SLC41A2: variants seen among roughly 807,000 people sequenced by gnomAD.
SLC41A2 encodes the protein SLC41A1-like 1.
Under a neutral mutation model 58.3 loss-of-function variants are expected in SLC41A2, and 32 were observed. The ratio of observed to expected loss-of-function variants is 0.55; its 90% confidence interval spans 0.41 to 0.74. The LOEUF is 0.74. SLC41A2 is among the 30% of genes least tolerant of loss of function. The probability of loss-of-function intolerance (pLI) is 0.00; values close to 1 mark genes in which losing one functional copy is unlikely to be tolerated. For synonymous variants in SLC41A2, 190 were observed against 235.0 expected (o/e 0.81, Z 1.75); for missense variants, 514 against 680.6 (o/e 0.76, Z 2.72).
chr12:104,929,616 C>A (rs2046979577), intron 1 of SLC41A2, among the ~76,000 whole-genome samples: 1 of 152,234 alleles, frequency 6.6e-6, no homozygotes, highest in Admixed American at 6.5e-5. Context: ...CAAGGTCACC[C>A]ACGACCTGAC....
At chr12:104,926,660 G>T (rs1279662517) in intron 2 of SLC41A2, among the ~76,000 whole-genome samples, 5 of 150,318 alleles carry the variant, frequency 3.3e-5, no homozygotes, top group Non-Finnish European at 7.4e-5. Flanking sequence ...ATAAATAAAA[G>T]ATACAAAAAA....
intron 1 of SLC41A2, among the ~76,000 whole-genome samples, chr12:104,930,954 C>T (rs1468395227): frequency 2.0e-5 from 3 of 152,172 alleles, no homozygotes; most frequent in African/African-American, 7.2e-5. Flanking sequence ...ATTCTTACTT[C>T]GGTATAAGCT....
chr12:104,865,435 C>T (rs1051576176), intron 7 of SLC41A2, among the ~76,000 whole-genome samples: 1 of 152,132 alleles, frequency 6.6e-6, no homozygotes, highest in South Asian at 2.1e-4. Context: ...GATCTAATTG[C>T]TCCTTACCTA....
rs1384254323 is a variant in SLC41A2 at position 104,928,306 on chromosome 12, C to T, written c.222G>A (p.Gln74=). 6.2e-7 allele frequency: 1 copy of T among 1,612,990 alleles called. No homozygotes were observed. The highest frequency in any genetic ancestry group is 1.7e-5 in the Admixed American group (1 of 59,910). The part of the protein sequence containing the change: ...IWQDGLSTAV[Q]TFSNRSEQHM... ...GTTGCTCAGATCTATTACTAAAAGT[C>T]TGTACTGCAGTTGATAATCCATCTT... is the stretch of plus-strand genomic sequence containing the variant. The change falls in exon 2 of 11, where the codon CAG becomes CAA. Residue 74 remains glutamine, a synonymous_variant. Coordinates refer to ENST00000258538, the MANE Select transcript of SLC41A2 (RefSeq NM_001352171.3).
chr12:104,941,601 A>C (rs776414538), intron 1 of SLC41A2, among the ~76,000 whole-genome samples: 3 of 152,196 alleles, frequency 2.0e-5, no homozygotes, highest in Non-Finnish European at 4.4e-5. Context: ...AGTTAAACCA[A>C]CTCTTAACTG....
At chr12:104,911,388 T>C (rs1441029324) in intron 2 of SLC41A2, among the ~76,000 whole-genome samples, 1 of 152,074 alleles carries the variant, frequency 6.6e-6, no homozygotes, top group Non-Finnish European at 1.5e-5. Flanking sequence ...TTACACATGA[T>C]AATGAAAATA....
chr12:104,869,391 G>A (rs2043643585), intron 6 of SLC41A2, among the ~76,000 whole-genome samples: 1 of 152,112 alleles, frequency 6.6e-6, no homozygotes, highest in South Asian at 2.1e-4. Context: ...ATATACACAC[G>A]TACATAGACA....
chr12:104,951,978 C>T (rs1011357804), intron 1 of SLC41A2, among the ~76,000 whole-genome samples: 13 of 151,830 alleles, frequency 8.6e-5, no homozygotes, highest in African/African-American at 2.9e-4. Context: ...CACTGTACTC[C>T]CTGGGAAAAC....
At chr12:104,814,453 A>T (rs577438925) in intron 10 of SLC41A2, among the ~76,000 whole-genome samples, 1 of 152,308 alleles carries the variant, frequency 6.6e-6, no homozygotes, top group South Asian at 2.1e-4. Flanking sequence ...GGTTGTAGGG[A>T]TCTAATGTGT....
At chr12:104,851,816 A>T (rs1418284696) in intron 8 of SLC41A2, 1 of 152,244 alleles carries the variant, frequency 6.6e-6, no homozygotes, top group Non-Finnish European at 1.5e-5. Context: ...TCTAAAGAAA[A>T]GAATAGAGGC....
intron 8 of SLC41A2, among the ~76,000 whole-genome samples, chr12:104,860,337 A>C (rs1048069762): frequency 2.0e-5 from 3 of 151,742 alleles, no homozygotes; most frequent in East Asian, 1.9e-4. Context: ...CACCATGGCA[A>C]ATGTATACCT....
At chr12:104,840,816 C>CA (rs1031345327) in intron 10 of SLC41A2, among the ~76,000 whole-genome samples, 2 of 151,966 alleles carry the variant, frequency 1.3e-5, no homozygotes, top group African/African-American at 4.8e-5. Flanking sequence ...AAAATAATTT[C>CA]AAAAAATGGC....
intron 2 of SLC41A2, among the ~76,000 whole-genome samples, chr12:104,918,375 G>T (rs2046426901): frequency 6.6e-6 from 1 of 152,120 alleles, no homozygotes; most frequent in African/African-American, 2.4e-5. Context: ...AACAGCCAAA[G>T]ATTTGAGGCA....
chr12:104,928,374 T>C lies in SLC41A2; in HGVS notation c.154A>G (p.Lys52Glu). The C allele has an allele frequency of 6.3e-7, 1 of 1,593,480 alleles. No homozygotes were observed. Among genetic ancestry groups the C allele is most frequent in the Non-Finnish European group, 8.6e-7 (1 of 1,168,210 alleles). ...TTTTTGTGCCTGTCTTCTTGGTTTT[T>C]CTGGTAAATCACTGGAACCATACTC... ...LLSMVPVIYQKNQEDRHKKAN... is the reference protein window; with the variant it reads ...LLSMVPVIYQENQEDRHKKAN... Residue 52 changes from lysine (K) to glutamate (E), a missense_variant, in exon 2 of 11, where the codon AAA (lysine) becomes GAA (glutamate). Physicochemically the swap from Lys to Glu is moderately conservative, Grantham distance 56 (BLOSUM62 1). Coordinates refer to ENST00000258538, the MANE Select transcript of SLC41A2 (RefSeq NM_001352171.3).
intron 1 of SLC41A2, among the ~76,000 whole-genome samples, chr12:104,956,859 T>C (rs1397149885): frequency 6.6e-6 from 1 of 152,104 alleles, no homozygotes; most frequent in African/African-American, 2.4e-5. Flanking sequence ...AGAGATACCA[T>C]TCCACACTCA....
At chr12:104,821,535 A>AAT (rs2136239705) in intron 10 of SLC41A2, among the ~76,000 whole-genome samples, 1 of 152,374 alleles carries the variant, frequency 6.6e-6, no homozygotes, top group East Asian at 1.9e-4. Flanking sequence ...AGTCCCGCTA[A>AAT]ATATAGTAGA....
chr12:104,951,812 A>C (rs1485818257), intron 1 of SLC41A2, among the ~76,000 whole-genome samples: 1 of 150,884 alleles, frequency 6.6e-6, no homozygotes, highest in Non-Finnish European at 1.5e-5. Flanking sequence ...TAATTGCAAA[A>C]ACTGCACTTA....
chr12:104,835,587 C>A (rs1479005284), intron 10 of SLC41A2, among the ~76,000 whole-genome samples: 2 of 152,086 alleles, frequency 1.3e-5, no homozygotes, highest in Admixed American at 6.6e-5. Context: ...ATAGAAAAAC[C>A]TCTCCCACTA....
chr12:104,859,168 T>C (rs2043118958), intron 8 of SLC41A2, among the ~76,000 whole-genome samples: 1 of 152,034 alleles, frequency 6.6e-6, no homozygotes, highest in South Asian at 2.1e-4. Flanking sequence ...AATGAAAAAA[T>C]TGCGCATGTC....
Sources: gnomAD v4.1 joint callset for allele counts (sites outside exome capture counted in the v4.1 genomes callset) on GRCh38, gnomAD v4.1.1 for gene constraint, MANE v1.5 for transcripts, NCBI Gene and HGNC (gene_info 2026-07-23, HGNC 2026-07-21) for gene names.